Variants in SIPA1L3 observed in about 807,000 individuals in gnomAD.
SIPA1L3 encodes signal induced proliferation associated 1 like 3.
In SIPA1L3, 59 loss-of-function variants were observed where a neutral mutation model predicts 150.1. The observed-to-expected ratio is 0.39, with a 90% confidence interval of 0.32 to 0.49. The LOEUF (loss-of-function observed/expected upper bound fraction) is 0.49, where lower values mean the gene tolerates loss of function less well. Ranked by LOEUF, SIPA1L3 falls within the 20% of genes least tolerant of loss-of-function variation. The pLI, the probability that SIPA1L3 is intolerant of heterozygous loss-of-function variation, is 0.86. For missense variants in SIPA1L3, 2,211 were observed against 2,489.5 expected (o/e 0.89, Z 2.38); for synonymous variants, 1,070 against 1,077.6 (o/e 0.99, Z 0.14).
intron 1 of SIPA1L3, among the ~76,000 whole-genome samples, chr19:38,009,744 A>C (rs992122034): frequency 6.6e-6 from 1 of 152,098 alleles, no homozygotes; most frequent in Non-Finnish European, 1.5e-5. Flanking sequence ...CTAGCTGACC[A>C]CCAAGATGGC....
intron 3 of SIPA1L3, among the ~76,000 whole-genome samples, chr19:38,085,100 C>T (rs1443261789): frequency 1.3e-5 from 2 of 152,210 alleles, no homozygotes; most frequent in East Asian, 3.9e-4. Flanking sequence ...TACGTTTTAC[C>T]CTTCAGACTG....
chr19:38,074,385 C>T (rs534525808), intron 2 of SIPA1L3, among the ~76,000 whole-genome samples: 2 of 152,216 alleles, frequency 1.3e-5, no homozygotes, highest in African/African-American at 4.8e-5. Flanking sequence ...AAGTCAGGGT[C>T]GCATCTGGGC....
At chr19:37,957,794 C>T (rs940682197) in intron 1 of SIPA1L3, among the ~76,000 whole-genome samples, 8 of 152,166 alleles carry the variant, frequency 5.3e-5, no homozygotes, top group South Asian at 4.2e-4. Context: ...CTCACTGCAG[C>T]CTCGACTTCT....
chr19:37,952,832 T>C (rs568830660), intron 1 of SIPA1L3, among the ~76,000 whole-genome samples: 2 of 152,198 alleles, frequency 1.3e-5, no homozygotes, highest in Non-Finnish European at 2.9e-5. Context: ...ATACAGCAGC[T>C]CTGTTCCACA....
At chr19:37,932,303 C>G (rs1366797976) in intron 1 of SIPA1L3, 3 of 152,270 alleles carry the variant, frequency 2.0e-5, no homozygotes, top group Non-Finnish European at 4.4e-5. Context: ...AGCTTTCTTT[C>G]AAGCCCATTC....
intron 4 of SIPA1L3, among the ~76,000 whole-genome samples, chr19:38,091,117 G>A (rs566531630): frequency 8.3e-4 from 127 of 152,300 alleles, no homozygotes; most frequent in African/African-American, 2.8e-3. Flanking sequence ...TGGGTGCAGC[G>A]GCTCACACCT....
chr19:38,026,722 CCT>C (rs1192622342), intron 1 of SIPA1L3, among the ~76,000 whole-genome samples: 3 of 152,096 alleles, frequency 2.0e-5, no homozygotes, highest in African/African-American at 7.2e-5. Context: ...GGTCCATGGA[CCT>C]TTGAAGGATG....
intron 2 of SIPA1L3, among the ~76,000 whole-genome samples, chr19:38,035,153 C>T (rs944960190): frequency 1.3e-5 from 2 of 152,182 alleles, no homozygotes; most frequent in African/African-American, 4.8e-5. Context: ...AGAGATTCAT[C>T]AAGGAGCCGT....
chr19:37,991,830 GT>G (rs1259859678), intron 1 of SIPA1L3, among the ~76,000 whole-genome samples: 2 of 152,212 alleles, frequency 1.3e-5, no homozygotes, highest in Non-Finnish European at 2.9e-5. Flanking sequence ...TTGGAGTTGG[GT>G]GTGAGGCTGT....
Position 38,081,803 on chromosome 19 carries a change from C to A in SIPA1L3, c.238C>A (p.Arg80Ser). 2 of 1,612,914 alleles carry A rather than the reference C, an allele frequency of 1.2e-6. No homozygotes were observed. The highest frequency in any genetic ancestry group is 1.7e-6 in the Non-Finnish European group (2 of 1,179,700). The change falls in exon 3 of 22, where the codon CGC becomes AGC. Residue 80 changes from arginine (R) to serine (S), a missense_variant. Physicochemically the swap from Arg to Ser is moderately radical, Grantham distance 110. Transcript: ENST00000222345. ...TTPAMPKMGV[R>S]ARVADWPPKR... is the part of the protein sequence containing the mutation. ...TCCCGCAATGCCCAAGATGGGCGTG[C>A]GCGCAAGGGTGGCCGACTGGCCGCC...
intron 1 of SIPA1L3, among the ~76,000 whole-genome samples, chr19:37,986,366 C>A (rs1309889887): frequency 6.6e-6 from 1 of 152,222 alleles, no homozygotes; most frequent in East Asian, 1.9e-4. Context: ...AGATGGCTTT[C>A]TCTTTCCTCT....
At position 38,133,986 on chromosome 19, in the gene SIPA1L3, A is replaced by AT. The variant is rs574009315; in HGVS notation, c.3143+3228dup. Among the ~76,000 whole-genome samples the AT allele has an allele frequency of 3.9e-3, 563 of 145,140 alleles. 2 individuals carry two copies. Among genetic ancestry groups the AT allele is most frequent in the African/African-American group, 5.7e-3 (227 of 39,736 alleles). ...TAGCAAGACCTCGCCACTACAACAA[A>AT]TTTTTTTTTTTTTTGAGACTGAGTT... On this transcript the variant is annotated intron_variant, in intron 10 of 21. Coordinates refer to ENST00000222345, the MANE Select transcript of SIPA1L3 (RefSeq NM_015073.3).
intron 2 of SIPA1L3, among the ~76,000 whole-genome samples, chr19:38,041,640 A>AC (rs915777907): frequency 1.3e-5 from 2 of 150,340 alleles, no homozygotes; most frequent in African/African-American, 2.5e-5. Context: ...TGCTATGTTG[A>AC]CCAGGCTACC....
intron 4 of SIPA1L3, among the ~76,000 whole-genome samples, chr19:38,099,478 A>G (rs950391471): frequency 6.6e-6 from 1 of 152,070 alleles, no homozygotes; most frequent in African/African-American, 2.4e-5. Flanking sequence ...TACTGTAATA[A>G]TGACAAGAGC....
chr19:38,051,068 A>G (rs1969187300), intron 2 of SIPA1L3, among the ~76,000 whole-genome samples: 1 of 152,200 alleles, frequency 6.6e-6, no homozygotes, highest in Admixed American at 6.5e-5. Flanking sequence ...TAAAAAGAAA[A>G]GAAAATATAT....
chr19:38,202,866 C>A (rs957026803), intron 20 of SIPA1L3, among the ~76,000 whole-genome samples: 1 of 152,210 alleles, frequency 6.6e-6, no homozygotes, highest in African/African-American at 2.4e-5. Flanking sequence ...GGGGACAGAT[C>A]TCTCACATTT....
chr19:37,919,077 A>T (rs1351371177), intron 1 of SIPA1L3, among the ~76,000 whole-genome samples: 1 of 151,872 alleles, frequency 6.6e-6, no homozygotes, highest in Non-Finnish European at 1.5e-5. Flanking sequence ...TTGCCAGTGG[A>T]TGGGGTGTGG....
intron 1 of SIPA1L3, among the ~76,000 whole-genome samples, chr19:37,942,915 G>T (rs73031215): frequency 6.6e-6 from 1 of 151,694 alleles, no homozygotes; most frequent in Admixed American, 6.6e-5. Context: ...GTAGAGACAG[G>T]TTTTCCAGGC....
In SIPA1L3 at chr19:38,105,926, A is replaced by G. The variant is rs1345317632; in HGVS notation, c.2030-611A>G. 3.3e-5 allele frequency among the ~76,000 whole-genome samples: 5 copies of G among 152,284 alleles called. No individual in the cohort carries two copies. In the East Asian group the frequency reaches 9.6e-4, roughly 29 times the overall value. ...TTATCAATTAAGCCTATCTTCAGGTATAAGAGAGATTGCTAAAAAGTTTTC... is the reference window on the plus strand; with the variant it reads ...TTATCAATTAAGCCTATCTTCAGGTGTAAGAGAGATTGCTAAAAAGTTTTC... On this transcript the variant is annotated intron_variant, in intron 6 of 21. Transcript: ENST00000222345.
Sources: gnomAD v4.1 joint callset for allele counts (sites outside exome capture counted in the v4.1 genomes callset) on GRCh38, gnomAD v4.1.1 for gene constraint, MANE v1.5 for transcripts, NCBI Gene and HGNC (gene_info 2026-07-23, HGNC 2026-07-21) for gene names.